The following FER variants were observed in gnomAD, a reference collection of about 807,000 sequenced individuals.
FER encodes the protein tyrosine-protein kinase Fer.
A neutral mutation model predicts 111.0 loss-of-function variants in FER; 63 were observed. The ratio of observed to expected loss-of-function variants is 0.57; its 90% CI spans 0.46 to 0.70. The LOEUF (loss-of-function observed/expected upper bound fraction) is 0.70. Ranked by LOEUF, FER falls within the 30% of genes least tolerant of loss-of-function variation. The probability of loss-of-function intolerance (pLI) is 0.00; values close to 1 mark genes in which losing one functional copy is unlikely to be tolerated. For missense variants in FER, 914 were observed against 954.0 expected, an observed-to-expected ratio of 0.96 and a Z score of 0.55; for synonymous variants, 327 against 313.9, an observed-to-expected ratio of 1.04 and a Z score of -0.44.
At chr5:108,749,006 C>G (rs1307251781) in intron 1 of FER, 2 of 152,184 alleles carry the variant, frequency 1.3e-5, no homozygotes, top group African/African-American at 4.8e-5. Flanking sequence ...AGGTGCGTTT[C>G]GCGCCGCCGG....
intron 17 of FER, among the ~76,000 whole-genome samples, chr5:109,123,961 G>A (rs527632903): frequency 6.6e-6 from 1 of 152,256 alleles, no homozygotes; most frequent in East Asian, 1.9e-4. Flanking sequence ...ATGGCGCAGT[G>A]GCTCATGCCT....
intron 1 of FER, among the ~76,000 whole-genome samples, chr5:108,755,542 A>G (rs547574751): frequency 7.2e-5 from 11 of 152,142 alleles, no homozygotes; most frequent in South Asian, 4.2e-4. Context: ...CTGAAGTGCA[A>G]TGGCACAATC....
intron 1 of FER, among the ~76,000 whole-genome samples, chr5:108,748,804 G>A (rs1245438455): frequency 2.0e-5 from 3 of 152,244 alleles, no homozygotes; most frequent in Non-Finnish European, 4.4e-5. Flanking sequence ...GGGGGCTGAG[G>A]GCCGGGCGGC....
At chr5:108,916,332 GTACT>G (rs980577920) in intron 10 of FER, among the ~76,000 whole-genome samples, 2 of 152,026 alleles carry the variant, frequency 1.3e-5, no homozygotes. Flanking sequence ...TTGTTTATCT[GTACT>G]TACTTGATTC....
chr5:109,094,302 C>T (rs1043709468), intron 16 of FER, among the ~76,000 whole-genome samples: 1 of 151,976 alleles, frequency 6.6e-6, no homozygotes, highest in Non-Finnish European at 1.5e-5. Flanking sequence ...GTGAAAGGAG[C>T]TCCAGCTATA....
intron 13 of FER, among the ~76,000 whole-genome samples, chr5:108,971,834 T>C (rs149641027): frequency 1.3e-5 from 2 of 152,220 alleles, no homozygotes; most frequent in Non-Finnish European, 2.9e-5. Context: ...GTTATACATA[T>C]GACATTTACA....
At chr5:109,163,478 G>T (rs184905524) in intron 17 of FER, among the ~76,000 whole-genome samples, 85 of 152,218 alleles carry the variant, frequency 5.6e-4, no homozygotes, top group African/African-American at 1.9e-3. Context: ...TTTCCAAAGT[G>T]GTTGTTCCAC....
chr5:109,068,642 C>T (rs60777927), intron 16 of FER, among the ~76,000 whole-genome samples: 29,110 of 152,088 alleles, frequency 0.19, 3,253 homozygotes, highest in African/African-American at 0.31. Context: ...TAAATTATTG[C>T]TCTACTATCA....
Position 109,186,656 on chromosome 5 carries a change from A to C in FER, c.2326+334A>C, listed in dbSNP as rs769763185. Among the ~76,000 whole-genome samples the C allele has an allele frequency of 4.5e-4, 69 of 152,300 alleles. 2 individuals are homozygous for C. The highest frequency in any genetic ancestry group is 2.0e-4 in the Admixed American group (3 of 15,304). On this transcript the variant is annotated intron_variant, in intron 19 of 19. Coordinates refer to ENST00000281092, the MANE Select transcript of FER (RefSeq NM_005246.4). ...CTATGCCAGATAAACCTCCTTTTAA[A>C]TAATATTCCCAATTGAAATGCAGTT...
intron 6 of FER, among the ~76,000 whole-genome samples, chr5:108,869,300 T>G (rs976364422): frequency 6.6e-6 from 1 of 152,110 alleles, no homozygotes; most frequent in Non-Finnish European, 1.5e-5. Context: ...GGACCCAGAT[T>G]CACAAAGCTA....
chr5:109,157,552 C>T (rs1322406667), intron 17 of FER, among the ~76,000 whole-genome samples: 1 of 151,750 alleles, frequency 6.6e-6, no homozygotes, highest in Non-Finnish European at 1.5e-5. Flanking sequence ...TCAAACTGTT[C>T]CCTAATGAGT....
chr5:108,966,883 A>G (rs1759924029), intron 13 of FER, among the ~76,000 whole-genome samples: 1 of 152,168 alleles, frequency 6.6e-6, no homozygotes, highest in African/African-American at 2.4e-5. Context: ...ACATTGAACA[A>G]ACATAGAACA....
At chr5:109,066,718 T>A (rs977884995) in intron 16 of FER, among the ~76,000 whole-genome samples, 1 of 152,214 alleles carries the variant, frequency 6.6e-6, no homozygotes, top group South Asian at 2.1e-4. Context: ...AAACCTGTTA[T>A]GAGATTTGGA....
At chr5:109,162,662 G>T (rs1756114058) in intron 17 of FER, among the ~76,000 whole-genome samples, 1 of 152,068 alleles carries the variant, frequency 6.6e-6, no homozygotes, top group Non-Finnish European at 1.5e-5. Flanking sequence ...ATTTGACTGT[G>T]TGGCCCCTGT....
intron 16 of FER, among the ~76,000 whole-genome samples, chr5:109,072,631 T>C (rs1775898811): frequency 6.6e-6 from 1 of 151,974 alleles, no homozygotes; most frequent in Admixed American, 6.6e-5. Context: ...TCTTTCCACA[T>C]CCAGCTATCG....
Position 108,797,977 on chromosome 5 carries a change from C to G in FER, c.-59-147C>G, listed in dbSNP as rs963507988. On this transcript the variant is annotated intron_variant, in intron 2 of 19. Coordinates refer to ENST00000281092, the MANE Select transcript of FER (RefSeq NM_005246.4). ...TTGAAGCCAACAATAGGGTGGACTT[C>G]TTCATCTTGTTTCTGATCTTTGGAA... is the stretch of plus-strand genomic sequence containing the variant. 8.1e-5 allele frequency: 39 copies of G among 481,310 alleles called. No homozygotes were observed. In the South Asian group the frequency reaches 1.2e-3, roughly 15 times the overall value. The allele number at this position is 481,310 out of a possible 1,614,324, so 29.8% of individuals were successfully genotyped here. A position where few individuals can be genotyped will look rare whatever the true frequency, so the allele number is the denominator to read the frequency against.
At chr5:108,961,140 T>C (rs1759095430) in intron 13 of FER, among the ~76,000 whole-genome samples, 1 of 152,200 alleles carries the variant, frequency 6.6e-6, no homozygotes, top group Admixed American at 6.5e-5. Flanking sequence ...TGAACATCAA[T>C]TCCAGTATAT....
At chr5:109,171,106 C>T (rs1757050542) in intron 17 of FER, among the ~76,000 whole-genome samples, 1 of 152,112 alleles carries the variant, frequency 6.6e-6, no homozygotes, top group Non-Finnish European at 1.5e-5. Flanking sequence ...AGTGTAAATT[C>T]ACTTCAAAAC....
chr5:108,765,160 G>C lies in FER; in HGVS notation c.-205-2933G>C, dbSNP rs113343689. 3.0e-3 allele frequency among the ~76,000 whole-genome samples: 457 copies of C among 152,274 alleles called. 2 individuals are homozygous for C. Among genetic ancestry groups the C allele is most frequent in the African/African-American group, 9.8e-3 (407 of 41,550 alleles). On this transcript the variant is annotated intron_variant, in intron 1 of 19. Coordinates refer to ENST00000281092, the MANE Select transcript of FER (RefSeq NM_005246.4). ...ATTTTCAACTGTTATGTATGGAAAC[G>C]TTTGCTGAGTCTGGTAAGCATGATA... is the stretch of plus-strand genomic sequence containing the variant.
Sources: allele counts gnomAD v4.1 joint callset (sites outside exome capture counted in the v4.1 genomes callset), GRCh38; gene constraint gnomAD v4.1.1; transcripts MANE v1.5; gene names NCBI Gene and HGNC (gene_info 2026-07-23, HGNC 2026-07-21).